Variants in PCDH15 observed in about 807,000 individuals in gnomAD.
PCDH15 encodes the protein protocadherin related 15.
Under a neutral mutation model 178.5 loss-of-function variants are expected in PCDH15, and 129 were observed. The ratio of observed to expected loss-of-function variants is 0.72; its 90% CI spans 0.63 to 0.84. PCDH15 has a LOEUF of 0.84. Ranked by LOEUF, PCDH15 falls within the 40% of genes least tolerant of loss-of-function variation. The pLI, the probability that PCDH15 is intolerant of heterozygous loss-of-function variation, is 0.00. For synonymous variants in PCDH15, 800 were observed against 732.0 expected, an observed-to-expected ratio of 1.09 and a Z score of -1.50; for missense variants, 2,230 against 2,099.9, an observed-to-expected ratio of 1.06 and a Z score of -1.21.
chr10:55,582,792 G>GTCACTTTAT (rs1363142932), intron 2 of PCDH15, among the ~76,000 whole-genome samples: 1 of 151,114 alleles, frequency 6.6e-6, no homozygotes, highest in African/African-American at 2.4e-5. Flanking sequence ...TCCCAAAATG[G>GTCACTTTAT]TCACTTTATT....
At chr10:55,242,431 T>C (rs1171745479) in intron 1 of PCDH15, among the ~76,000 whole-genome samples, 1 of 148,090 alleles carries the variant, frequency 6.8e-6, no homozygotes. Context: ...TTTGAATCTG[T>C]TAAATCAGAG....
intron 14 of PCDH15, among the ~76,000 whole-genome samples, chr10:54,146,526 A>T (rs1444798818): frequency 2.0e-5 from 3 of 151,898 alleles, no homozygotes; most frequent in Admixed American, 2.0e-4. Flanking sequence ...AATATCCCAA[A>T]ATAACTTAAG....
At chr10:55,512,567 GA>G (rs1484951459) in intron 2 of PCDH15, among the ~76,000 whole-genome samples, 1 of 152,004 alleles carries the variant, frequency 6.6e-6, no homozygotes, top group Non-Finnish European at 1.5e-5. Flanking sequence ...ACCTAGGGGA[GA>G]AAATTGTTGG....
At chr10:55,332,443 A>G (rs1844226062) in intron 2 of PCDH15, among the ~76,000 whole-genome samples, 1 of 152,216 alleles carries the variant, frequency 6.6e-6, no homozygotes, top group Non-Finnish European at 1.5e-5. Flanking sequence ...TAAAATAAAT[A>G]GAACTAGATC....
intron 1 of PCDH15, among the ~76,000 whole-genome samples, chr10:54,722,013 T>C (rs1389338646): frequency 2.6e-5 from 4 of 151,856 alleles, no homozygotes; most frequent in African/African-American, 4.8e-5. Context: ...AAATATACAA[T>C]ACACCATGAT....
At chr10:54,677,392 A>T (rs1273793803) in intron 1 of PCDH15, among the ~76,000 whole-genome samples, 9 of 152,114 alleles carry the variant, frequency 5.9e-5, no homozygotes, top group Non-Finnish European at 1.2e-4. Flanking sequence ...TAAACAAAAA[A>T]GTATATTCCA....
chr10:53,917,603 GAC>G (rs972004942), intron 25 of PCDH15, among the ~76,000 whole-genome samples: 7 of 152,044 alleles, frequency 4.6e-5, no homozygotes, highest in Non-Finnish European at 7.4e-5. Flanking sequence ...CCTAAACACA[GAC>G]ACACACACAA....
chr10:54,055,621 C>A (rs1015834750), intron 18 of PCDH15, among the ~76,000 whole-genome samples: 1 of 152,118 alleles, frequency 6.6e-6, no homozygotes, highest in Admixed American at 6.6e-5. Flanking sequence ...CTACAAAGGC[C>A]AGACACCTCT....
At chr10:55,439,364 T>C (rs537579113) in intron 2 of PCDH15, among the ~76,000 whole-genome samples, 3 of 151,992 alleles carry the variant, frequency 2.0e-5, no homozygotes, top group Non-Finnish European at 4.4e-5. Context: ...AAGTATAAAC[T>C]CTACAGAAAT....
chr10:53,934,991 A>G (rs2085444547), intron 25 of PCDH15, among the ~76,000 whole-genome samples: 1 of 152,110 alleles, frequency 6.6e-6, no homozygotes, highest in East Asian at 1.9e-4. Flanking sequence ...TTGAACAGTT[A>G]TACTACATAT....
chr10:54,661,037 G>A (rs2094483099), intron 2 of PCDH15, among the ~76,000 whole-genome samples: 1 of 151,608 alleles, frequency 6.6e-6, no homozygotes, highest in Non-Finnish European at 1.5e-5. Context: ...AGACAAGGAT[G>A]GCCACTCTCA....
chr10:55,199,815 A>T (rs2132157212), intron 1 of PCDH15, among the ~76,000 whole-genome samples: 1 of 152,222 alleles, frequency 6.6e-6, no homozygotes, highest in East Asian at 1.9e-4. Context: ...AGCTCAGGCC[A>T]TTGCACCAGG....
intron 2 of PCDH15, among the ~76,000 whole-genome samples, chr10:54,650,060 A>G (rs2094219881): frequency 6.6e-6 from 1 of 152,322 alleles, no homozygotes; most frequent in South Asian, 2.1e-4. Flanking sequence ...TCTAACCATG[A>G]AAACAAGCAT....
rs1412977805 is a variant in PCDH15 at position 55,330,836 on chromosome 10, TTATG to T, written c.-155-164189_-155-164186del. Among the ~76,000 whole-genome samples, 177 of 83,080 alleles carry T rather than the reference TTATG, an allele frequency of 2.1e-3. 1 individual carries two copies. Among genetic ancestry groups the T allele is most frequent in the African/African-American group, 8.4e-3 (173 of 20,476 alleles). The allele number at this position is 83,080 out of a possible 152,430, so 54.5% of individuals were successfully genotyped here. ...ATCTCTCTTAAATAGATAGATTTAT[TTATG>T]TGTGTGTGTGTGTGTGTGTGTGTGT... On this transcript the variant is annotated intron_variant, in intron 2 of 5. Coordinates refer to the PCDH15 transcript ENST00000613346.
intron 25 of PCDH15, among the ~76,000 whole-genome samples, chr10:53,935,335 T>C (rs1485561103): frequency 6.6e-6 from 1 of 152,210 alleles, no homozygotes; most frequent in Non-Finnish European, 1.5e-5. Flanking sequence ...ACAAAATGAC[T>C]GAATTGTGTT....
chr10:54,742,972 C>T (rs934960821), intron 1 of PCDH15, among the ~76,000 whole-genome samples: 1 of 152,002 alleles, frequency 6.6e-6, no homozygotes, highest in Non-Finnish European at 1.5e-5. Flanking sequence ...GTAAAAGTTA[C>T]AAACTGGTCT....
At chr10:55,322,589 T>C (rs1596633), upstream of PCDH15, among the ~76,000 whole-genome samples, 149,893 of 152,178 alleles carry the variant, frequency 0.98, 73,825 homozygotes, top group East Asian at 1. Flanking sequence ...GAGGTGGCCT[T>C]AGATGGAGAT....
chr10:54,146,991 A>ATGTATATATATAATGTATATATATATAG (rs2044033708), intron 14 of PCDH15, among the ~76,000 whole-genome samples: 2 of 141,498 alleles, frequency 1.4e-5, no homozygotes, highest in African/African-American at 5.2e-5. Flanking sequence ...TATATATATA[A>ATGTATATATATAATGTATATATATATAG]TGTATATATA....
chr10:54,201,565 G>A (rs34378273), intron 10 of PCDH15, among the ~76,000 whole-genome samples: 3 of 152,100 alleles, frequency 2.0e-5, no homozygotes, highest in Non-Finnish European at 4.4e-5. Context: ...CACTGTAAAT[G>A]TATCAGTTTC....
Sources: gnomAD v4.1 joint callset for allele counts (sites outside exome capture counted in the v4.1 genomes callset) on GRCh38, gnomAD v4.1.1 for gene constraint, MANE v1.5 for transcripts, NCBI Gene and HGNC (gene_info 2026-07-23, HGNC 2026-07-21) for gene names.